The following MOK variants were observed in gnomAD, a reference collection of about 807,000 sequenced individuals.
MOK encodes the protein MAPK/MAK/MRK overlapping kinase.
MOK carries 59 observed loss-of-function variants against 54.2 expected under a neutral mutation model. That is an observed-to-expected ratio of 1.09 (90% CI 0.88 to 1.35). MOK has a LOEUF of 1.35. Ranked by LOEUF, MOK falls within the 40% of genes most tolerant of loss-of-function variation. The pLI is 0.00. For synonymous variants in MOK, 210 were observed against 202.7 expected, an observed-to-expected ratio of 1.04 and a Z score of -0.31; for missense variants, 517 against 526.2, an observed-to-expected ratio of 0.98 and a Z score of 0.17.
At chr14:102,259,931 A>C (rs2067251226) in intron 4 of MOK, among the ~76,000 whole-genome samples, 1 of 152,118 alleles carries the variant, frequency 6.6e-6, no homozygotes, top group Non-Finnish European at 1.5e-5. Context: ...TAATCCCAGC[A>C]CTTTGGGAGG....
rs546983739 is a variant in MOK, at chr14:102,276,753, TG to T, written c.122+6724del. On this transcript the variant is annotated intron_variant, in intron 2 of 11. Coordinates refer to ENST00000361847, the MANE Select transcript of MOK (RefSeq NM_014226.3). ...TTGTGGTGAGCTGAGATCATGCCAGTGCCCTCCAGCCTGGGCAACAAGAGCG... is the reference window on the plus strand; with the variant it reads ...TTGTGGTGAGCTGAGATCATGCCAGTCCCTCCAGCCTGGGCAACAAGAGCG... Among the ~76,000 whole-genome samples, 66 of 146,836 alleles carry T rather than the reference TG, an allele frequency of 4.5e-4. No individual in the cohort carries two copies. In the South Asian group the frequency reaches 0.014, roughly 31 times the overall value.
intron 2 of MOK, among the ~76,000 whole-genome samples, chr14:102,267,801 A>G (rs1440365356): frequency 1.3e-5 from 2 of 152,178 alleles, no homozygotes; most frequent in East Asian, 3.8e-4. Flanking sequence ...AACCAATCAG[A>G]AAAGACACAG....
At chr14:102,239,060 A>C (rs911417527) in intron 7 of MOK, among the ~76,000 whole-genome samples, 1 of 152,116 alleles carries the variant, frequency 6.6e-6, no homozygotes, top group Non-Finnish European at 1.5e-5. Flanking sequence ...CCAGATCCCC[A>C]CAAGAGAAAT....
At chr14:102,253,841 C>T (rs1342096384) in intron 4 of MOK, among the ~76,000 whole-genome samples, 1 of 152,234 alleles carries the variant, frequency 6.6e-6, no homozygotes. Flanking sequence ...TTCCTCCCTC[C>T]ATGAGCACAT....
chr14:102,304,872 C>A, intron 1 of MOK, 90 bp downstream of exon 1: 1 of 1,446,224 alleles, frequency 6.9e-7, no homozygotes, highest in Non-Finnish European at 9.5e-7. Flanking sequence ...CCCGGCCCCA[C>A]AGGCCCCTCA....
downstream of MOK, among the ~76,000 whole-genome samples, chr14:102,223,890 C>T (rs531249174): frequency 2.0e-3 from 306 of 152,316 alleles, 2 homozygotes; most frequent in African/African-American, 6.6e-3. Context: ...TGGGCAGCTG[C>T]ACGTCTGCAC....
the MOK span, among the ~76,000 whole-genome samples, chr14:102,217,358 G>T: frequency 6.6e-6 from 1 of 152,214 alleles, no homozygotes; most frequent in African/African-American, 2.4e-5. Flanking sequence ...GGAGCCCTTA[G>T]ATGGTCGTGC....
the MOK span, among the ~76,000 whole-genome samples, chr14:102,216,752 A>G: frequency 6.6e-6 from 1 of 152,118 alleles, no homozygotes; most frequent in Admixed American, 6.5e-5. Flanking sequence ...CATCATGGCA[A>G]ACCCCCATCT....
chr14:102,251,310 C>CA, intron 6 of MOK: 1 of 390,878 alleles, frequency 2.6e-6, no homozygotes, highest in Non-Finnish European at 4.8e-6. Flanking sequence ...GTCATGCTGC[C>CA]AGCTTGCCCA....
At chr14:102,229,808 A>T (rs1312495238) in intron 10 of MOK, 151 bp from the exon 11 acceptor site, 5 of 720,536 alleles carry the variant, frequency 6.9e-6, no homozygotes, top group African/African-American at 1.8e-5. Flanking sequence ...GGTCCCAGAC[A>T]CCCCAAGGGA....
At chr14:102,281,555 G>A (rs1224303204) in intron 2 of MOK, among the ~76,000 whole-genome samples, 3 of 147,842 alleles carry the variant, frequency 2.0e-5, no homozygotes, top group Non-Finnish European at 3.0e-5. Flanking sequence ...TCAAAATCCT[G>A]TACTGGCAAC....
At chr14:102,257,915 C>T (rs1169500483) in intron 4 of MOK, among the ~76,000 whole-genome samples, 3 of 150,488 alleles carry the variant, frequency 2.0e-5, no homozygotes, top group Non-Finnish European at 4.4e-5. Flanking sequence ...AGGCAGAGGT[C>T]GCAGTGAGCA....
At chr14:102,250,053 C>T (rs993168583) in intron 7 of MOK, among the ~76,000 whole-genome samples, 5 of 152,188 alleles carry the variant, frequency 3.3e-5, no homozygotes, top group African/African-American at 1.2e-4. Context: ...CTTCTGGCTG[C>T]AGTGAAATTG....
At chr14:102,281,701 TC>T (rs2069460722) in intron 2 of MOK, among the ~76,000 whole-genome samples, 1 of 151,906 alleles carries the variant, frequency 6.6e-6, no homozygotes, top group South Asian at 2.1e-4. Context: ...TGCCTCAGCC[TC>T]CCAAGTAGCT....
chr14:102,262,888 T>C (rs577574460), intron 4 of MOK, among the ~76,000 whole-genome samples: 1 of 152,352 alleles, frequency 6.6e-6, no homozygotes, highest in East Asian at 1.9e-4. Context: ...CTTAGTGAGA[T>C]ATACAAGGTT....
At chr14:102,264,954 TCTGTAAGCACAGCA>T in intron 3 of MOK, among the ~76,000 whole-genome samples, 1 of 152,278 alleles carries the variant, frequency 6.6e-6, no homozygotes, top group Middle Eastern at 3.4e-3. Context: ...TTCAGTGAGG[TCTGTAAGCACAGCA>T]CAGAGCTGTC....
chr14:102,302,793 T>C (rs2072382459), intron 1 of MOK, among the ~76,000 whole-genome samples: 1 of 151,494 alleles, frequency 6.6e-6, no homozygotes, highest in East Asian at 1.9e-4. Context: ...AATACACATT[T>C]ATATATTTAT....
downstream of MOK, among the ~76,000 whole-genome samples, chr14:102,219,745 C>T (rs959854333): frequency 1.3e-5 from 2 of 152,216 alleles, no homozygotes; most frequent in African/African-American, 2.4e-5. Flanking sequence ...CTCTGCATGG[C>T]GATGCATTCT....
Position 102,229,385 on chromosome 14 carries a change from A to T in MOK, c.1183-19T>A. The T allele has an allele frequency of 6.2e-7, 1 of 1,613,474 alleles. No individual in the cohort carries two copies. The highest frequency in any genetic ancestry group is 1.6e-4 in the Middle Eastern group (1 of 6,062). ...GATCTGTCTGTCAAAGAAAAATTAC[A>T]GACACAAAATTCAGTGGCGGCCTGG... On this transcript the variant is annotated intron_variant, in intron 11 of 11. Coordinates refer to ENST00000361847, the MANE Select transcript of MOK (RefSeq NM_014226.3).
Sources: gnomAD v4.1 joint callset for allele counts (sites outside exome capture counted in the v4.1 genomes callset) on GRCh38, gnomAD v4.1.1 for gene constraint, MANE v1.5 for transcripts, NCBI Gene and HGNC (gene_info 2026-07-23, HGNC 2026-07-21) for gene names.